The following SCLT1 variants were observed in gnomAD, a reference collection of about 807,000 sequenced individuals.
SCLT1 encodes sodium channel and clathrin linker 1, also known as sodium channel-associated protein 1.
In SCLT1, 78 loss-of-function variants were observed where a neutral mutation model predicts 112.8. The ratio of observed to expected loss-of-function variants is 0.69; its 90% CI spans 0.58 to 0.83. SCLT1 has a LOEUF of 0.83. SCLT1 is among the 40% of genes least tolerant of loss of function. The pLI is 0.00. For synonymous variants in SCLT1, 257 were observed against 254.7 expected (o/e 1.01, Z -0.09); for missense variants, 747 against 770.4 (o/e 0.97, Z 0.36).
chr4:129,038,400 G>C (rs1034968114), intron 5 of SCLT1, among the ~76,000 whole-genome samples: 19 of 152,022 alleles, frequency 1.2e-4, no homozygotes, highest in African/African-American at 4.6e-4. Flanking sequence ...TCTTGCACTT[G>C]TGTATGTTAT....
rs1243144422 is a variant in SCLT1, at chr4:128,970,423, C to G, written c.732G>C (p.Glu244Asp). 3.1e-6 allele frequency: 5 copies of G among 1,610,086 alleles called. No homozygotes were observed. Among genetic ancestry groups the G allele is most frequent in the Non-Finnish European group, 4.2e-6 (5 of 1,177,056 alleles). ...ELRVAVAKVE[E>D]LTNVTEDLQG... ...GCAGATCTTCAGTCACATTAGTTAA[C>G]TCTTCCACTTTTGCTACAGCAACTC... is the stretch of plus-strand genomic sequence containing the variant. The change falls in exon 10 of 21, where the codon GAG becomes GAC. Residue 244 changes from glutamate (E) to aspartate (D), a missense_variant. Physicochemically the swap from Glu to Asp is conservative, Grantham distance 45. This residue lies in a region of SCLT1 where 723 missense variants were observed against 721.3 expected (regional missense o/e 1.00). Coordinates refer to ENST00000281142, the MANE Select transcript of SCLT1 (RefSeq NM_144643.4).
intron 11 of SCLT1, among the ~76,000 whole-genome samples, chr4:128,962,401 GT>G: frequency 6.6e-6 from 1 of 152,224 alleles, no homozygotes; most frequent in East Asian, 1.9e-4. Context: ...TTACAGAATT[GT>G]TGGTCCACTC....
intron 14 of SCLT1, among the ~76,000 whole-genome samples, chr4:128,951,109 A>G (rs929696505): frequency 2.6e-5 from 4 of 152,138 alleles, no homozygotes; most frequent in Admixed American, 2.6e-4. Flanking sequence ...CATAGTGTAA[A>G]TAAATAGTAT....
chr4:128,916,977 A>G (rs938273788), intron 18 of SCLT1, among the ~76,000 whole-genome samples: 1 of 152,018 alleles, frequency 6.6e-6, no homozygotes, highest in Non-Finnish European at 1.5e-5. Context: ...TGCCGTAATC[A>G]CTCTAGGGCC....
intron 1 of SCLT1, among the ~76,000 whole-genome samples, chr4:129,086,260 C>G (rs1251741290): frequency 6.6e-6 from 1 of 151,856 alleles, no homozygotes; most frequent in Admixed American, 6.6e-5. Context: ...AAGTACTTAT[C>G]TGGCTTGTTT....
At chr4:129,042,539 T>C (rs1477808382) in intron 4 of SCLT1, among the ~76,000 whole-genome samples, 1 of 152,018 alleles carries the variant, frequency 6.6e-6, no homozygotes, top group East Asian at 1.9e-4. Context: ...AAAAGAGAGA[T>C]GTAAGCAAAC....
At chr4:128,972,443 A>C (rs1160729282) in intron 9 of SCLT1, 2 of 152,102 alleles carry the variant, frequency 1.3e-5, no homozygotes, top group Non-Finnish European at 2.9e-5. Context: ...AAAAAAAAAA[A>C]AAACCTGTTG....
intron 18 of SCLT1, among the ~76,000 whole-genome samples, chr4:128,921,813 A>T (rs1277041179): frequency 1.3e-5 from 2 of 152,226 alleles, no homozygotes; most frequent in Non-Finnish European, 2.9e-5. Flanking sequence ...AATTAAACTA[A>T]ACAGCTTCTG....
rs138915757 is a variant in SCLT1 at position 128,904,555 on chromosome 4, T to C, written c.1830-13418A>G. ...CAGCCCTTCCCTCTCTTCTCCTGAG[T>C]GCCCACTGTTTGTTGTTCCCATCTT... On this transcript the variant is annotated intron_variant, in intron 18 of 20. Transcript: ENST00000281142. Among the ~76,000 whole-genome samples, 236 of 152,284 alleles carry C rather than the reference T, an allele frequency of 1.5e-3. 2 individuals carry two copies. The highest frequency in any genetic ancestry group is 0.013 in the East Asian group (70 of 5,190).
At chr4:128,937,701 A>C (rs923643190) in intron 17 of SCLT1, among the ~76,000 whole-genome samples, 3 of 152,218 alleles carry the variant, frequency 2.0e-5, no homozygotes, top group African/African-American at 7.2e-5. Context: ...AGACAATATA[A>C]ACAATGATTT....
In SCLT1 at chr4:128,925,603, C is replaced by T. The variant is rs150311416; in HGVS notation, c.1829+11052G>A. Among the ~76,000 whole-genome samples the T allele has an allele frequency of 5.8e-3, 885 of 152,216 alleles. 17 individuals are homozygous for T. The highest frequency in any genetic ancestry group is 0.048 in the Admixed American group (737 of 15,290). ...CCTCCCAAAGTGCTAGGATTACAGG[C>T]GTCAGCCACGGTGTCTGGCCCATTA... On this transcript the variant is annotated intron_variant, in intron 18 of 20. Transcript: ENST00000281142.
chr4:129,047,756 T>C (rs74592326), intron 2 of SCLT1, among the ~76,000 whole-genome samples: 4,286 of 152,230 alleles, frequency 0.028, 89 homozygotes, highest in Non-Finnish European at 0.047. Flanking sequence ...TAGCATTTTT[T>C]CATATACTTC....
At position 128,936,814 on chromosome 4, in the gene SCLT1, C is replaced by T. The variant is rs149400028; in HGVS notation, c.1670G>A (p.Arg557His). 155 of 1,594,104 alleles carry T rather than the reference C, an allele frequency of 9.7e-5. 1 individual carries two copies. The African/African-American group carries it at 1.7e-3, about 17-fold the overall frequency. ...TMEHEFSIKE[R>H]GFEVQLREME... is the part of the protein sequence containing the mutation. The stretch of plus-strand genomic sequence containing the variant: ...CTCTCTCAATTGAACTTCAAATCCA[C>T]GTTCCTTTATTGAAAATTCATGTTC... Residue 557 changes from arginine to histidine, a missense_variant, in exon 18 of 21, where the codon CGT becomes CAT. Physicochemically the swap from Arg to His is conservative, Grantham distance 29. Coordinates refer to ENST00000281142, the MANE Select transcript of SCLT1 (RefSeq NM_144643.4).
intron 4 of SCLT1, chr4:128,876,431 A>C (rs1005121337): frequency 1.6e-4 from 25 of 152,226 alleles, no homozygotes; most frequent in African/African-American, 5.8e-4. Context: ...GCAGCTGTGC[A>C]ATCTGTGATG....
Position 128,952,854 on chromosome 4 carries a change from C to T in SCLT1, c.1147-14G>A, listed in dbSNP as rs1433212369. The T allele has an allele frequency of 9.0e-6, 11 of 1,227,832 alleles. No homozygotes were observed. The highest frequency in any genetic ancestry group is 1.2e-5 in the South Asian group (1 of 82,718). The allele number at this position is 1,227,832 out of a possible 1,614,324, so 76.1% of individuals were successfully genotyped here. On this transcript the variant is annotated splice_polypyrimidine_tract_variant and intron_variant, in intron 13 of 20. Coordinates refer to ENST00000281142, the MANE Select transcript of SCLT1 (RefSeq NM_144643.4). ...GGTGTTTGCAACCTGTAAATTAAGA[C>T]ATTTACTCATTATTTGGTTCTAGAA...
intron 1 of SCLT1, among the ~76,000 whole-genome samples, chr4:129,084,967 G>T (rs1228199033): frequency 1.5e-4 from 23 of 152,112 alleles, no homozygotes; most frequent in Admixed American, 1.5e-3. Context: ...GTAGGCAAAG[G>T]TTTCATGACA....
At chr4:128,954,877 T>C (rs975291463) in intron 13 of SCLT1, among the ~76,000 whole-genome samples, 17 of 152,178 alleles carry the variant, frequency 1.1e-4, no homozygotes, top group Admixed American at 2.0e-4. Context: ...AACATAAAAA[T>C]TTTGGTTCTT....
At chr4:128,935,095 T>C (rs74502694) in intron 18 of SCLT1, among the ~76,000 whole-genome samples, 1,990 of 152,130 alleles carry the variant, frequency 0.013, 45 homozygotes, top group African/African-American at 0.046. Context: ...TTTTAATAAG[T>C]TAATGTTGTA....
chr4:129,053,423 T>A (rs891197068), intron 2 of SCLT1, among the ~76,000 whole-genome samples: 1 of 152,078 alleles, frequency 6.6e-6, no homozygotes, highest in African/African-American at 2.4e-5. Flanking sequence ...CTGTATTGGG[T>A]GTATATATAT....
Sources: gnomAD v4.1 joint callset for allele counts (sites outside exome capture counted in the v4.1 genomes callset) on GRCh38, gnomAD v4.1.1 for gene constraint, gnomAD v4.1.1 regional missense constraint, MANE v1.5 for transcripts, NCBI Gene and HGNC (gene_info 2026-07-23, HGNC 2026-07-21) for gene names.